Variants in CS observed in about 807,000 individuals in gnomAD.
The protein encoded by CS is citrate synthase.
A neutral mutation model predicts 61.4 loss-of-function variants in CS; 13 were observed. That is an observed-to-expected ratio of 0.21 (90% CI 0.14 to 0.34). The LOEUF (loss-of-function observed/expected upper bound fraction) is 0.34. CS is among the 10% of genes least tolerant of loss of function. The pLI is 1.00. For synonymous variants in CS, 159 were observed against 215.2 expected, an observed-to-expected ratio of 0.74 and a Z score of 2.29; for missense variants, 278 against 573.4, an observed-to-expected ratio of 0.48 and a Z score of 5.26.
chr12:56,298,537 CTAAT>C (rs1223321239), intron 1 of CS: 1 of 684,792 alleles, frequency 1.5e-6, no homozygotes, highest in African/African-American at 1.9e-5. Context: ...CAGAAATGAG[CTAAT>C]TATAGTGTCC....
chr12:56,284,366 G>A (rs1184458111), intron 3 of CS, among the ~76,000 whole-genome samples: 3 of 149,518 alleles, frequency 2.0e-5, no homozygotes, highest in Non-Finnish European at 4.4e-5. Flanking sequence ...TTGTGGCCAG[G>A]TACGGTGGGG....
At chr12:56,292,730 C>CAAAAAAAAAA (rs531365770) in intron 1 of CS, among the ~76,000 whole-genome samples, 53 of 56,832 alleles carry the variant, frequency 9.3e-4, no homozygotes, top group African/African-American at 2.3e-3. Context: ...TAAAAAAATA[C>CAAAAAAAAAA]AAAAAAAAAA....
At chr12:56,274,936 C>T (rs1234358390) in intron 8 of CS, 58 bp from the exon 9 acceptor site, 1 of 1,608,146 alleles carries the variant, frequency 6.2e-7, no homozygotes, top group Non-Finnish European at 8.5e-7. Flanking sequence ...AAGAGAATGC[C>T]AAGATCAGAA....
intron 6 of CS, among the ~76,000 whole-genome samples, chr12:56,278,703 C>T (rs1872692288): frequency 6.6e-6 from 1 of 150,546 alleles, no homozygotes; most frequent in Non-Finnish European, 1.5e-5. Context: ...TGCCACTGCA[C>T]TGCAGCCTGA....
At chr12:56,277,351 TA>T (rs1565619598) in intron 6 of CS, among the ~76,000 whole-genome samples, 1 of 135,784 alleles carries the variant, frequency 7.4e-6, no homozygotes, top group African/African-American at 2.8e-5. Context: ...TACAAAAAAT[TA>T]GCCAGGCGTG....
At chr12:56,289,382 G>C (rs1317672585) in intron 1 of CS, among the ~76,000 whole-genome samples, 1 of 152,112 alleles carries the variant, frequency 6.6e-6, no homozygotes, top group East Asian at 1.9e-4. Flanking sequence ...CATCAGCCCA[G>C]CAGGAGACCT....
intron 1 of CS, among the ~76,000 whole-genome samples, chr12:56,299,153 A>C (rs988249868): frequency 6.6e-6 from 1 of 152,190 alleles, no homozygotes; most frequent in African/African-American, 2.4e-5. Context: ...TCTTTGCAGA[A>C]GTCAAGGTCA....
intron 1 of CS, chr12:56,298,763 G>T: frequency 1.4e-6 from 1 of 737,664 alleles, no homozygotes; most frequent in Non-Finnish European, 1.7e-6. Context: ...CAGCAGGCCA[G>T]GTGCAGTGGT....
At chr12:56,282,279 G>T in intron 6 of CS, 141 bp downstream of exon 6, 1 of 634,132 alleles carries the variant, frequency 1.6e-6, no homozygotes, top group Non-Finnish European at 2.5e-6. Flanking sequence ...CAAAAAACAA[G>T]CCTCCAATGA....
At chr12:56,290,017 G>A (rs1037588396) in intron 1 of CS, among the ~76,000 whole-genome samples, 11 of 146,358 alleles carry the variant, frequency 7.5e-5, no homozygotes, top group African/African-American at 2.5e-4. Context: ...CCTCAGCCTC[G>A]CGAGTAGCCA....
At chr12:56,285,368 G>A in intron 3 of CS, 1 of 286,686 alleles carries the variant, frequency 3.5e-6, no homozygotes, top group South Asian at 3.0e-5. Flanking sequence ...CTGCAGCCCT[G>A]AACTCCTGGG....
chr12:56,298,907 C>T lies in CS; in HGVS notation c.42+1253G>A, dbSNP rs568631694. The stretch of plus-strand genomic sequence containing the variant: ...ATCAAAAAAGATTAGCCAGGCGTGG[C>T]GGTGCACACCTGTGGTCCCAGCTAC... On this transcript the variant is annotated intron_variant, in intron 1 of 10. Coordinates refer to ENST00000351328, the MANE Select transcript of CS (RefSeq NM_004077.3). 3.3e-5 allele frequency among the ~76,000 whole-genome samples: 5 copies of T among 152,004 alleles called. No individual in the cohort carries two copies. In the East Asian group the frequency reaches 5.8e-4, roughly 18 times the overall value.
chr12:56,274,014 T>C (rs1872571673), intron 9 of CS: 1 of 532,472 alleles, frequency 1.9e-6, no homozygotes, highest in Admixed American at 3.2e-5. Context: ...TTTTTTTTTT[T>C]TGGTAAAGAT....
intron 6 of CS, among the ~76,000 whole-genome samples, chr12:56,280,699 C>T (rs1479735575): frequency 6.6e-6 from 1 of 151,508 alleles, no homozygotes. Context: ...GGTGACACAG[C>T]GAGACTCCAT....
intron 1 of CS, among the ~76,000 whole-genome samples, chr12:56,296,982 G>C (rs565952453): frequency 1.3e-5 from 2 of 152,262 alleles, no homozygotes; most frequent in African/African-American, 4.8e-5. Flanking sequence ...CCCAATTTCT[G>C]AGTAGGACTT....
chr12:56,290,049 A>T (rs1223262568), intron 1 of CS, among the ~76,000 whole-genome samples: 1 of 151,728 alleles, frequency 6.6e-6, no homozygotes, highest in Non-Finnish European at 1.5e-5. Context: ...ACCCGCCACC[A>T]TGCCCAGCTA....
At chr12:56,288,036 T>C (rs1872997851) in intron 1 of CS, among the ~76,000 whole-genome samples, 1 of 152,218 alleles carries the variant, frequency 6.6e-6, no homozygotes, top group Non-Finnish European at 1.5e-5. Context: ...TTAATTTTTC[T>C]GTACTAGATT....
rs200501558 is a variant in CS at position 56,276,165 on chromosome 12, C to T, written c.619G>A (p.Ala207Thr). 1.2e-6 allele frequency: 2 copies of T among 1,613,760 alleles called. No individual in the cohort carries two copies. The change falls in exon 7 of 11, where the codon GCA (alanine) becomes ACA (threonine). Residue 207 changes from alanine to threonine, a missense_variant. Physicochemically the swap from Ala to Thr is moderately conservative, Grantham distance 58. This residue lies in a region of CS where 223 missense variants were observed against 503.5 expected (regional missense o/e 0.44). Coordinates refer to ENST00000351328, the MANE Select transcript of CS (RefSeq NM_004077.3). ...LIYEDSMDLI[A>T]KLPCVAAKIY... The stretch of plus-strand genomic sequence containing the variant: ...TTTGCTGCAACACAAGGTAGCTTTG[C>T]GATTAGATCCATAGAGTCTTCATAA...
intron 1 of CS, among the ~76,000 whole-genome samples, chr12:56,289,959 T>C (rs558782755): frequency 6.6e-6 from 1 of 152,068 alleles, no homozygotes; most frequent in East Asian, 2.0e-4. Flanking sequence ...AGTGGCTTGA[T>C]CTTGGCTCAC....
Sources: gnomAD v4.1 joint callset for allele counts (sites outside exome capture counted in the v4.1 genomes callset) on GRCh38, gnomAD v4.1.1 for gene constraint, gnomAD v4.1.1 regional missense constraint, MANE v1.5 for transcripts, NCBI Gene and HGNC (gene_info 2026-07-23, HGNC 2026-07-21) for gene names.